SPPL3: variants seen among roughly 807,000 people sequenced by gnomAD.
SPPL3 encodes signal peptide peptidase like 3.
SPPL3 carries 5 observed loss-of-function variants against 42.4 expected under a neutral mutation model. The observed-to-expected ratio is 0.12, with a 90% CI of 0.06 to 0.25. The LOEUF (loss-of-function observed/expected upper bound fraction) is 0.25, where lower values mean the gene tolerates loss of function less well. Ranked by LOEUF, SPPL3 falls within the 10% of genes least tolerant of loss-of-function variation. The probability of loss-of-function intolerance (pLI) is 1.00; values close to 1 mark genes in which losing one functional copy is unlikely to be tolerated. For synonymous variants in SPPL3, 195 were observed against 181.8 expected, an observed-to-expected ratio of 1.07 and a Z score of -0.58; for missense variants, 235 against 489.0, an observed-to-expected ratio of 0.48 and a Z score of 4.90.
intron 1 of SPPL3, among the ~76,000 whole-genome samples, chr12:120,871,125 G>A (rs1464034831): frequency 1.1e-3 from 9 of 8,534 alleles, no homozygotes; most frequent in African/African-American, 2.0e-3. Context: ...GTGAGACTCC[G>A]TCTCCAAAAA....
At chr12:120,825,505 A>T (rs1191360385) in intron 1 of SPPL3, among the ~76,000 whole-genome samples, 6 of 152,156 alleles carry the variant, frequency 3.9e-5, no homozygotes, top group Non-Finnish European at 7.3e-5. Flanking sequence ...CATGATCTTA[A>T]CTCTCTAGTA....
rs377634298 is a variant in SPPL3, at chr12:120,867,616, G to C, written c.23+36229C>G. 3.0e-3 allele frequency among the ~76,000 whole-genome samples: 448 copies of C among 150,786 alleles called. 4 individuals carry two copies. The highest frequency in any genetic ancestry group is 4.8e-3 in the Non-Finnish European group (324 of 67,794). ...GGAGGCGGAGGTTGCAGGGAGCCAA[G>C]ATCACTCCAGCCTGGCTACAGAGCG... On this transcript the variant is annotated intron_variant, in intron 1 of 10. Transcript: ENST00000353487.
At chr12:120,805,742 A>G (rs1218752969) in intron 2 of SPPL3, among the ~76,000 whole-genome samples, 1 of 152,190 alleles carries the variant, frequency 6.6e-6, no homozygotes, top group Non-Finnish European at 1.5e-5. Flanking sequence ...AAATGAAGAA[A>G]AAAATTCATC....
At position 120,842,631 on chromosome 12, in the gene SPPL3, T is replaced by C. The variant is rs140970952; in HGVS notation, c.24-31745A>G. On this transcript the variant is annotated intron_variant, in intron 1 of 10. Transcript: ENST00000353487. The stretch of plus-strand genomic sequence containing the variant: ...GTGAGGACTCACTCTGCTTCATCGA[T>C]GGCAGGTTCTCGGTGCATCCTCACA... 1.8e-3 allele frequency among the ~76,000 whole-genome samples: 279 copies of C among 152,260 alleles called. 1 individual carries two copies. The highest frequency in any genetic ancestry group is 6.3e-3 in the African/African-American group (260 of 41,540).
intron 1 of SPPL3, among the ~76,000 whole-genome samples, chr12:120,834,275 G>T (rs1408537093): frequency 6.6e-6 from 1 of 152,186 alleles, no homozygotes; most frequent in Non-Finnish European, 1.5e-5. Context: ...ACACAATCAT[G>T]TGCTAACCAG....
intron 1 of SPPL3, among the ~76,000 whole-genome samples, chr12:120,812,817 G>A (rs921608402): frequency 6.2e-4 from 95 of 152,304 alleles, no homozygotes; most frequent in African/African-American, 2.2e-3. Context: ...CTTTTCATCT[G>A]TAAAATGGGG....
chr12:120,780,579 T>C, intron 6 of SPPL3, among the ~76,000 whole-genome samples: 1 of 129,742 alleles, frequency 7.7e-6, no homozygotes, highest in African/African-American at 3.4e-5. Flanking sequence ...AGACACCCTG[T>C]CTCTATTTAA....
chr12:120,808,950 C>A (rs1307070149), intron 2 of SPPL3, among the ~76,000 whole-genome samples: 1 of 152,126 alleles, frequency 6.6e-6, no homozygotes, highest in Non-Finnish European at 1.5e-5. Flanking sequence ...GGTAGAGATG[C>A]AAAATATCAA....
chr12:120,805,320 T>A (rs1487429632), intron 2 of SPPL3, among the ~76,000 whole-genome samples: 1 of 152,110 alleles, frequency 6.6e-6, no homozygotes, highest in African/African-American at 2.4e-5. Flanking sequence ...GAACACATGA[T>A]AAAATCCAAT....
chr12:120,782,849 G>A, intron 5 of SPPL3, 82 bp from the exon 6 acceptor site: 1 of 1,001,408 alleles, frequency 1.0e-6, no homozygotes. Flanking sequence ...CGTGATGGCT[G>A]GATTAGAATA....
chr12:120,810,136 G>A (rs1169979558), intron 2 of SPPL3, among the ~76,000 whole-genome samples: 2 of 151,994 alleles, frequency 1.3e-5, no homozygotes, highest in Non-Finnish European at 2.9e-5. Context: ...CACCATGCCT[G>A]GCTAACTTCT....
Position 120,764,618 on chromosome 12 carries a change from T to A in SPPL3, c.*381A>T. 1 of 368,144 alleles carries A rather than the reference T, an allele frequency of 2.7e-6. No homozygotes were observed. Among genetic ancestry groups the A allele is most frequent in the East Asian group, 4.0e-5 (1 of 25,218 alleles). 22.8% of individuals were successfully genotyped at this position (368,144 alleles called of 1,614,324 possible). A position where few individuals can be genotyped will look rare whatever the true frequency, so the allele number is the denominator to read the frequency against. ...ATTGAAGAAACTTCGGTTTGCTAAT[T>A]TTTTTCATCCTTTTAGTGTTCAAAA... On this transcript the variant is annotated 3_prime_UTR_variant, in exon 11 of 11. Coordinates refer to ENST00000353487, the MANE Select transcript of SPPL3 (RefSeq NM_139015.5).
intron 1 of SPPL3, among the ~76,000 whole-genome samples, chr12:120,868,013 C>G (rs1051617891): frequency 6.6e-6 from 1 of 152,150 alleles, no homozygotes; most frequent in Non-Finnish European, 1.5e-5. Context: ...TCCCAAAATG[C>G]TGGGATTACA....
At chr12:120,805,170 T>C (rs75556395) in intron 2 of SPPL3, among the ~76,000 whole-genome samples, 29 of 152,300 alleles carry the variant, frequency 1.9e-4, no homozygotes, top group Non-Finnish European at 3.7e-4. Flanking sequence ...CTGAACAATT[T>C]TGTAAATAAA....
At chr12:120,846,535 C>A (rs952501334) in intron 1 of SPPL3, among the ~76,000 whole-genome samples, 2 of 152,086 alleles carry the variant, frequency 1.3e-5, no homozygotes, top group African/African-American at 4.8e-5. Context: ...ATGTTTTATT[C>A]TATAAAAGCT....
chr12:120,836,007 T>C (rs1445053724), intron 1 of SPPL3, among the ~76,000 whole-genome samples: 1 of 152,170 alleles, frequency 6.6e-6, no homozygotes, highest in African/African-American at 2.4e-5. Flanking sequence ...TTTATGAAAT[T>C]CAAATGAGTT....
In SPPL3 at chr12:120,802,432, T is replaced by TATATA. The variant is rs67248082; in HGVS notation, c.101+8376_101+8377insTATAT. ...GTGTGTGTGTATATATATATATATATTTTTTTTTTTTTTCCTTTTTGAGAT... is the reference window on the plus strand; with the variant it reads ...GTGTGTGTGTATATATATATATATATATATATTTTTTTTTTTTTCCTTTTTGAGAT... On this transcript the variant is annotated intron_variant, in intron 2 of 10. Transcript: ENST00000353487. Among the ~76,000 whole-genome samples the TATATA allele has an allele frequency of 2.7e-3, 230 of 85,458 alleles. 1 individual carries two copies. Among genetic ancestry groups the TATATA allele is most frequent in the African/African-American group, 9.2e-3 (131 of 14,196 alleles). The allele number at this position is 85,458 out of a possible 152,430, so 56.1% of individuals were successfully genotyped here. A position where few individuals can be genotyped will look rare whatever the true frequency, so the allele number is the denominator to read the frequency against.
intron 1 of SPPL3, among the ~76,000 whole-genome samples, chr12:120,839,473 C>T (rs1439166340): frequency 6.6e-6 from 1 of 151,890 alleles, no homozygotes. Context: ...CTAACCTGTA[C>T]ATTGTGCACA....
chr12:120,795,297 T>C (rs1870061561), intron 2 of SPPL3, among the ~76,000 whole-genome samples: 1 of 152,246 alleles, frequency 6.6e-6, no homozygotes, highest in African/African-American at 2.4e-5. Context: ...CTTTTATCGA[T>C]GGATGTTCAT....
Sources: gnomAD v4.1 joint callset for allele counts (sites outside exome capture counted in the v4.1 genomes callset) on GRCh38, gnomAD v4.1.1 for gene constraint, MANE v1.5 for transcripts, NCBI Gene and HGNC (gene_info 2026-07-23, HGNC 2026-07-21) for gene names.